Variants in CPXM2 observed in about 807,000 individuals in gnomAD.
CPXM2 encodes carboxypeptidase X, M14 family member 2.
A neutral mutation model predicts 86.1 loss-of-function variants in CPXM2; 66 were observed. The observed-to-expected ratio is 0.77, with a 90% CI of 0.63 to 0.94. CPXM2 has a LOEUF of 0.94. CPXM2 is among the 40% of genes least tolerant of loss of function. The pLI, the probability that CPXM2 is intolerant of heterozygous loss-of-function variation, is 0.00. For synonymous variants in CPXM2, 388 were observed against 400.2 expected (o/e 0.97, Z 0.36); for missense variants, 948 against 1,026.3 (o/e 0.92, Z 1.04).
intron 2 of CPXM2, among the ~76,000 whole-genome samples, chr10:123,868,872 G>A (rs1268897222): frequency 6.6e-6 from 1 of 152,086 alleles, no homozygotes; most frequent in Non-Finnish European, 1.5e-5. Context: ...AACTCCAAAA[G>A]CATGGCAAAG....
chr10:123,757,401 C>CA, intron 11 of CPXM2, 49 bp from the exon 12 acceptor site: 1 of 1,553,644 alleles, frequency 6.4e-7, no homozygotes, highest in Non-Finnish European at 8.9e-7. Flanking sequence ...CTCAAAATGG[C>CA]ACTGGGGAAT....
At chr10:123,788,195 A>T (rs1387313597) in intron 6 of CPXM2, among the ~76,000 whole-genome samples, 2 of 150,042 alleles carry the variant, frequency 1.3e-5, no homozygotes, top group Non-Finnish European at 3.0e-5. Context: ...CAGGAGAATC[A>T]CTTGAACCCC....
At chr10:123,927,570 GCAGAGC>G (rs527706031) in intron 2 of CPXM2, among the ~76,000 whole-genome samples, 3 of 152,152 alleles carry the variant, frequency 2.0e-5, no homozygotes, top group Non-Finnish European at 4.4e-5. Context: ...CAAATGAATG[GCAGAGC>G]CAGGATTTAT....
At chr10:123,927,985 G>C (rs1031102469) in intron 2 of CPXM2, among the ~76,000 whole-genome samples, 1 of 152,078 alleles carries the variant, frequency 6.6e-6, no homozygotes, top group African/African-American at 2.4e-5. Context: ...ACACTCAACT[G>C]TGCCCCCACC....
intron 4 of CPXM2, among the ~76,000 whole-genome samples, chr10:123,814,275 A>C (rs1358614604): frequency 6.6e-6 from 1 of 152,192 alleles, no homozygotes; most frequent in Non-Finnish European, 1.5e-5. Context: ...ATCAGGGGCC[A>C]ATGCAGCTAG....
At chr10:123,806,898 T>A (rs771994422) in intron 4 of CPXM2, among the ~76,000 whole-genome samples, 1 of 152,010 alleles carries the variant, frequency 6.6e-6, no homozygotes, top group Non-Finnish European at 1.5e-5. Flanking sequence ...CAATTCAAGA[T>A]GAGATTTGGG....
intron 2 of CPXM2, among the ~76,000 whole-genome samples, chr10:123,934,410 C>T (rs1945696328): frequency 6.6e-6 from 1 of 151,772 alleles, no homozygotes; most frequent in South Asian, 2.1e-4. Context: ...GTGGGTGCAT[C>T]TCGCCAATCC....
At chr10:123,842,200 GC>G (rs1848400944) in intron 4 of CPXM2, 148 bp downstream of exon 4, 1 of 1,039,366 alleles carries the variant, frequency 9.6e-7, no homozygotes, top group Admixed American at 2.4e-5. Flanking sequence ...TCGACAACGA[GC>G]CCAGCCTCCT....
At chr10:123,773,506 G>T (rs977816073) in intron 7 of CPXM2, among the ~76,000 whole-genome samples, 3 of 152,226 alleles carry the variant, frequency 2.0e-5, no homozygotes, top group Non-Finnish European at 2.9e-5. Context: ...GATCATTGAG[G>T]AGACAGACTC....
chr10:123,930,914 G>C (rs149698956), intron 2 of CPXM2, among the ~76,000 whole-genome samples: 2 of 152,150 alleles, frequency 1.3e-5, no homozygotes, highest in Non-Finnish European at 2.9e-5. Context: ...TAAATCTTTC[G>C]TTCCCACAGC....
At chr10:123,857,822 A>T (rs1470030746) in intron 3 of CPXM2, among the ~76,000 whole-genome samples, 1 of 152,244 alleles carries the variant, frequency 6.6e-6, no homozygotes, top group Non-Finnish European at 1.5e-5. Flanking sequence ...CGCCCCTGAC[A>T]GTGCACTCTG....
At chr10:123,927,010 A>T (rs146453820) in intron 2 of CPXM2, among the ~76,000 whole-genome samples, 22 of 152,352 alleles carry the variant, frequency 1.4e-4, no homozygotes, top group African/African-American at 5.3e-4. Flanking sequence ...GTCCTGGGAC[A>T]TAGGAACCCA....
chr10:123,766,309 G>A (rs890017506), intron 10 of CPXM2, among the ~76,000 whole-genome samples: 3 of 152,158 alleles, frequency 2.0e-5, no homozygotes, highest in African/African-American at 7.2e-5. Flanking sequence ...AAGAAAGAAA[G>A]AAACTTTTAC....
At chr10:123,878,901 T>C (rs961130336) in intron 2 of CPXM2, among the ~76,000 whole-genome samples, 1 of 151,998 alleles carries the variant, frequency 6.6e-6, no homozygotes, top group Admixed American at 6.6e-5. Flanking sequence ...CCAAGGTCCA[T>C]TCAAGGTGAG....
intron 4 of CPXM2, among the ~76,000 whole-genome samples, chr10:123,823,230 G>GAGTT (rs1847966808): frequency 6.6e-6 from 1 of 152,200 alleles, no homozygotes; most frequent in Non-Finnish European, 1.5e-5. Context: ...ACTCAGGAGA[G>GAGTT]AGGTGAAAAG....
chr10:123,757,934 T>C (rs936883629), intron 11 of CPXM2, among the ~76,000 whole-genome samples: 3 of 152,060 alleles, frequency 2.0e-5, no homozygotes, highest in African/African-American at 7.2e-5. Flanking sequence ...AATAGGAAAA[T>C]TGAGGTTGAG....
intron 12 of CPXM2, among the ~76,000 whole-genome samples, chr10:123,756,396 TGACAGCCTACGGCAGG>T (rs1846212632): frequency 6.6e-6 from 1 of 152,192 alleles, no homozygotes; most frequent in African/African-American, 2.4e-5. Context: ...GATGTGTCCT[TGACAGCCTACGGCAGG>T]GAGGTGTCCA....
At chr10:123,819,875 T>G (rs1411024459) in intron 4 of CPXM2, among the ~76,000 whole-genome samples, 1 of 152,214 alleles carries the variant, frequency 6.6e-6, no homozygotes, top group Non-Finnish European at 1.5e-5. Flanking sequence ...TGTGAGGATG[T>G]TGCCAAAGGA....
chr10:123,924,965 G>A (rs865836525), intron 2 of CPXM2, among the ~76,000 whole-genome samples: 3 of 152,150 alleles, frequency 2.0e-5, no homozygotes, highest in African/African-American at 7.2e-5. Flanking sequence ...GGTTTTAGGG[G>A]CTCTGTGCCA....
Sources: gnomAD v4.1 joint callset for allele counts (sites outside exome capture counted in the v4.1 genomes callset) on GRCh38, gnomAD v4.1.1 for gene constraint, MANE v1.5 for transcripts, NCBI Gene and HGNC (gene_info 2026-07-23, HGNC 2026-07-21) for gene names.